Variants in SMIM27 observed in about 807,000 individuals in gnomAD.
SMIM27 encodes the protein TOPORS antisense RNA 1 (non-protein coding).
Under a neutral mutation model 1.8 loss-of-function variants are expected in SMIM27, and 3 were observed. The observed-to-expected ratio is 1.65, with a 90% CI of 0.75 to 4.28. SMIM27 has a LOEUF of 4.28. SMIM27 is among the 30% of genes most tolerant of loss of function. The pLI is 0.02. For missense variants in SMIM27, 63 were observed against 37.0 expected (o/e 1.70, Z -1.83); for synonymous variants, 19 against 13.9 (o/e 1.37, Z -0.82).
At chr9:32,562,842 G>A (rs775089225) in intron 1 of SMIM27, among the ~76,000 whole-genome samples, 40 of 152,144 alleles carry the variant, frequency 2.6e-4, no homozygotes, top group Non-Finnish European at 5.3e-4. Context: ...TCCATTGACT[G>A]TGCAGGCTCT....
At chr9:32,563,932 T>A (rs1004792935) in intron 1 of SMIM27, among the ~76,000 whole-genome samples, 2 of 152,240 alleles carry the variant, frequency 1.3e-5, no homozygotes, top group African/African-American at 4.8e-5. Flanking sequence ...CTTTACTTTC[T>A]GGCACAATAA....
exon 2 of SMIM27, chr9:32,566,515 C>T (rs1376725586): frequency 7.8e-6 from 6 of 771,664 alleles, no homozygotes; most frequent in East Asian, 4.9e-5. Flanking sequence ...TGTGCAGAGA[C>T]GGCTGCCACC....
chr9:32,553,199 C>CTTT, downstream of SMIM27: 2 of 224,936 alleles, frequency 8.9e-6, no homozygotes, highest in African/African-American at 2.4e-5. Context: ...ATTCGGAAAG[C>CTTT]TTTTTTTTTT....
chr9:32,563,491 C>CTTTTTT (rs111646430), intron 1 of SMIM27, among the ~76,000 whole-genome samples: 2 of 92,002 alleles, frequency 2.2e-5, no homozygotes, highest in Non-Finnish European at 4.4e-5. Context: ...GACTATTGGG[C>CTTTTTT]TTTTTTTTTT....
At chr9:32,558,117 A>ATTTTTTGTTT (rs550573516) in intron 1 of SMIM27, among the ~76,000 whole-genome samples, 1 of 135,230 alleles carries the variant, frequency 7.4e-6, no homozygotes, top group Non-Finnish European at 1.6e-5. Context: ...CATAGTATAC[A>ATTTTTTGTTT]TTTTTTTTTT....
chr9:32,559,944 G>C (rs948468965), intron 1 of SMIM27, among the ~76,000 whole-genome samples: 2 of 152,144 alleles, frequency 1.3e-5, no homozygotes, highest in African/African-American at 4.8e-5. Context: ...TACTTTTTAT[G>C]CATATACATC....
intron 1 of SMIM27, chr9:32,558,854 G>A: frequency 8.1e-7 from 1 of 1,239,446 alleles, no homozygotes; most frequent in Admixed American, 2.0e-5. Flanking sequence ...GGAAAGGGAG[G>A]AAAAGGAAAG....
chr9:32,558,243 C>CT (rs1821527021), intron 1 of SMIM27, among the ~76,000 whole-genome samples: 1 of 152,014 alleles, frequency 6.6e-6, no homozygotes, highest in African/African-American at 2.4e-5. Flanking sequence ...TCTCGAGTAG[C>CT]TGGGACTACA....
At chr9:32,556,997 G>A (rs904528694), downstream of SMIM27, among the ~76,000 whole-genome samples, 11 of 149,474 alleles carry the variant, frequency 7.4e-5, no homozygotes, top group African/African-American at 2.0e-4. Flanking sequence ...GATTACAGGC[G>A]TGCACCACCA....
At chr9:32,551,417 A>C, upstream of SMIM27, 1 of 318,172 alleles carries the variant, frequency 3.1e-6, no homozygotes, top group East Asian at 8.4e-5. Flanking sequence ...GGGATCCCAA[A>C]CCAGAGCCCA....
chr9:32,566,800 C>T (rs1037867801), exon 2 of SMIM27: 6 of 897,206 alleles, frequency 6.7e-6, no homozygotes, highest in Admixed American at 1.8e-5. Context: ...TACAGGAGGT[C>T]GGCCAGCAGT....
chr9:32,552,443 A>C lies in SMIM27; in HGVS notation c.9A>C (p.Pro3=), dbSNP rs1323190967. 5 of 1,607,740 alleles carry C rather than the reference A, an allele frequency of 3.1e-6. No individual in the cohort carries two copies. The South Asian group carries it at 4.5e-5, about 14-fold the overall frequency. Residue 3 remains proline (P), a synonymous_variant, in exon 1 of 2, where the codon CCA becomes CCC. Transcript: ENST00000692500. ...GCTGCCGCCTCCTTACCATGAAGCC[A>C]GTAAGTCGTCGCACGCTGGACTGGA... MK[P]VSRRTLDWIY...
At chr9:32,552,324 C>T (rs750202804), upstream of SMIM27, 1 of 1,493,826 alleles carries the variant, frequency 6.7e-7, no homozygotes, top group African/African-American at 1.4e-5. Context: ...TGGGCGGGCG[C>T]TCGTGCCCGG....
downstream of SMIM27, among the ~76,000 whole-genome samples, chr9:32,557,240 C>A (rs1821488649): frequency 6.7e-6 from 1 of 150,254 alleles, no homozygotes; most frequent in African/African-American, 2.5e-5. Flanking sequence ...ACTCCGCACA[C>A]TGCAACTTCT....
chr9:32,552,499 G>A lies in SMIM27; in HGVS notation c.45+20G>A. On this transcript the variant is annotated intron_variant, in intron 1 of 1. Transcript: ENST00000692500. ...TCAGTGGTAAGTCCCGGGGATCGCG[G>A]GCCCCCACCGTGTCGACTCACTGGG... The A allele has an allele frequency of 6.4e-7, 1 of 1,574,060 alleles. No homozygotes were observed. The highest frequency in any genetic ancestry group is 8.6e-7 in the Non-Finnish European group (1 of 1,159,846).
At chr9:32,558,556 TG>T (rs1193892275) in intron 1 of SMIM27, among the ~76,000 whole-genome samples, 2 of 152,228 alleles carry the variant, frequency 1.3e-5, no homozygotes, top group African/African-American at 4.8e-5. Context: ...TCACCATGCA[TG>T]GATGTTTGCT....
intron 1 of SMIM27, among the ~76,000 whole-genome samples, chr9:32,561,218 T>C (rs993620032): frequency 2.0e-5 from 3 of 152,182 alleles, no homozygotes; most frequent in African/African-American, 7.2e-5. Context: ...CCAACTCTAA[T>C]TCCTCTTAGA....
chr9:32,561,016 A>G (rs1321205079), intron 1 of SMIM27, among the ~76,000 whole-genome samples: 1 of 152,232 alleles, frequency 6.6e-6, no homozygotes, highest in East Asian at 1.9e-4. Flanking sequence ...AGGGTCTTAC[A>G]TGCCAAAATA....
At chr9:32,554,238 C>A (rs1445547870), downstream of SMIM27, among the ~76,000 whole-genome samples, 1 of 152,094 alleles carries the variant, frequency 6.6e-6, no homozygotes, top group African/African-American at 2.4e-5. Flanking sequence ...TTGTATGACC[C>A]CAATAAATGG....
Sources: gnomAD v4.1 joint callset for allele counts (sites outside exome capture counted in the v4.1 genomes callset) on GRCh38, gnomAD v4.1.1 for gene constraint, MANE v1.5 for transcripts, NCBI Gene and HGNC (gene_info 2026-07-23, HGNC 2026-07-21) for gene names.